C11orf52: variants seen among roughly 807,000 people sequenced by gnomAD.
The protein encoded by C11orf52 is chromosome 11 open reading frame 52.
A neutral mutation model predicts 11.7 loss-of-function variants in C11orf52; 9 were observed. The ratio of observed to expected loss-of-function variants is 0.77; its 90% CI spans 0.46 to 1.34. The LOEUF (loss-of-function observed/expected upper bound fraction) is 1.34, where lower values mean the gene tolerates loss of function less well. Ranked by LOEUF, C11orf52 falls within the 40% of genes most tolerant of loss-of-function variation. The probability of loss-of-function intolerance (pLI) is 0.00; values close to 1 mark genes in which losing one functional copy is unlikely to be tolerated. For synonymous variants in C11orf52, 49 were observed against 57.4 expected, an observed-to-expected ratio of 0.85 and a Z score of 0.66; for missense variants, 139 against 154.8, an observed-to-expected ratio of 0.90 and a Z score of 0.54.
At chr11:111,920,804 G>T (rs1965684715) in intron 1 of C11orf52, among the ~76,000 whole-genome samples, 2 of 152,110 alleles carry the variant, frequency 1.3e-5, no homozygotes, top group Non-Finnish European at 2.9e-5. Context: ...GTAGGAAAAA[G>T]AAGAATATCC....
intron 1 of C11orf52, 115 bp from the exon 2 acceptor site, chr11:111,924,211 G>C: frequency 1.0e-6 from 1 of 965,762 alleles, no homozygotes; most frequent in Non-Finnish European, 1.6e-6. Context: ...ATCTTTGTTA[G>C]AGGGAGGTAG....
intron 1 of C11orf52, among the ~76,000 whole-genome samples, chr11:111,920,020 C>A (rs1237680932): frequency 6.6e-6 from 1 of 151,692 alleles, no homozygotes; most frequent in Non-Finnish European, 1.5e-5. Context: ...ACGGTGAAAC[C>A]CCATCTCTAC....
chr11:111,925,810 T>G, intron 3 of C11orf52, 96 bp downstream of exon 3: 2 of 1,566,730 alleles, frequency 1.3e-6, no homozygotes, highest in Non-Finnish European at 8.7e-7. Flanking sequence ...TTCAGTCACC[T>G]GTAGAATTTG....
chr11:111,924,422 C>T (rs1965752873), intron 2 of C11orf52, 59 bp downstream of exon 2: 4 of 1,460,148 alleles, frequency 2.7e-6, no homozygotes, highest in Non-Finnish European at 9.6e-7. Flanking sequence ...GACAATAGAA[C>T]TCCAATCTTT....
intron 1 of C11orf52, among the ~76,000 whole-genome samples, chr11:111,919,858 G>A (rs1965660869): frequency 6.6e-6 from 1 of 152,146 alleles, no homozygotes; most frequent in Admixed American, 6.5e-5. Flanking sequence ...GCATAATATT[G>A]CCTCTTAGAT....
intron 1 of C11orf52, among the ~76,000 whole-genome samples, chr11:111,923,075 T>TAATA (rs1445767183): frequency 2.6e-5 from 4 of 152,236 alleles, no homozygotes; most frequent in Admixed American, 6.5e-5. Flanking sequence ...ATTTTAGGAC[T>TAATA]AATATTTTCT....
At chr11:111,924,241 TAAG>T in intron 1 of C11orf52, 82 bp from the exon 2 acceptor site, 1 of 1,329,620 alleles carries the variant, frequency 7.5e-7, no homozygotes, top group South Asian at 1.3e-5. Flanking sequence ...ATCAGAATGT[TAAG>T]GAGACCACAG....
At chr11:111,924,284 C>T in intron 1 of C11orf52, 42 bp from the exon 2 acceptor site, 1 of 1,600,274 alleles carries the variant, frequency 6.2e-7, no homozygotes, top group East Asian at 2.2e-5. Flanking sequence ...AAGGCAGAGG[C>T]CAGGGCTCTT....
chr11:111,920,144 G>A (rs1421933136), intron 1 of C11orf52, among the ~76,000 whole-genome samples: 5 of 151,994 alleles, frequency 3.3e-5, no homozygotes, highest in Admixed American at 1.3e-4. Flanking sequence ...GCAGTGAGCC[G>A]AGATTGCACC....
At chr11:111,924,261 T>C in intron 1 of C11orf52, 65 bp from the exon 2 acceptor site, 2 of 1,492,164 alleles carry the variant, frequency 1.3e-6, no homozygotes, top group Middle Eastern at 2.3e-4. Context: ...ACAGAGCAAA[T>C]GATGATGGAG....
Position 111,919,483 on chromosome 11 carries a change from AC to A in C11orf52, c.32+480del, listed in dbSNP as rs1414856482. On this transcript the variant is annotated intron_variant, in intron 1 of 3. Coordinates refer to ENST00000278601, the MANE Select transcript of C11orf52 (RefSeq NM_080659.3). ...CGAGACTGTCTCAACAACAACAACA[AC>A]AAAAAAAAACAGAGCCAAGCTAGCT... Among the ~76,000 whole-genome samples, 3 of 143,406 alleles carry A rather than the reference AC, an allele frequency of 2.1e-5. No homozygotes were observed. In the South Asian group the frequency reaches 6.7e-4, roughly 32 times the overall value. The allele number at this position is 143,406 out of a possible 152,430, so 94.1% of individuals were successfully genotyped here.
chr11:111,924,196 G>A (rs1965748075), intron 1 of C11orf52, 130 bp from the exon 2 acceptor site: 1 of 843,428 alleles, frequency 1.2e-6, no homozygotes, highest in Non-Finnish European at 1.9e-6. Flanking sequence ...CCTGGCTCAG[G>A]GTGAATCTTT....
At chr11:111,925,395 T>C (rs1555166837) in intron 2 of C11orf52, among the ~76,000 whole-genome samples, 1 of 130,914 alleles carries the variant, frequency 7.6e-6, no homozygotes, top group African/African-American at 3.6e-5. Flanking sequence ...TGGCACACAA[T>C]GGGTTCTCTT....
intron 3 of C11orf52, 94 bp downstream of exon 3, chr11:111,925,808 C>T (rs1450587388): frequency 1.8e-5 from 28 of 1,567,128 alleles, no homozygotes; most frequent in Non-Finnish European, 2.2e-5. Context: ...ATTTCAGTCA[C>T]CTGTAGAATT....
Position 111,924,373 on chromosome 11 carries a change from G to C in C11orf52, c.70+10G>C. 6.2e-7 allele frequency: 1 copy of C among 1,612,142 alleles called. No homozygotes were observed. The highest frequency in any genetic ancestry group is 1.7e-5 in the Admixed American group (1 of 60,002). ...AAGAAAAAGAAAACAGGTAACTTTGGGGCTGGGGGAGGGAATCTGGGGGAG... is the reference window on the plus strand; with the variant it reads ...AAGAAAAAGAAAACAGGTAACTTTGCGGCTGGGGGAGGGAATCTGGGGGAG... On this transcript the variant is annotated intron_variant, in intron 2 of 3. Coordinates refer to ENST00000278601, the MANE Select transcript of C11orf52 (RefSeq NM_080659.3).
chr11:111,925,135 A>T lies in C11orf52; in HGVS notation c.71-518A>T, dbSNP rs141387408. 2.2e-4 allele frequency among the ~76,000 whole-genome samples: 33 copies of T among 152,232 alleles called. No homozygotes were observed. The Middle Eastern group carries it at 0.014, about 63-fold the overall frequency. On this transcript the variant is annotated intron_variant, in intron 2 of 3. Coordinates refer to ENST00000278601, the MANE Select transcript of C11orf52 (RefSeq NM_080659.3). ...AGACTCTGTCTCTAAATAAATAAATAAAAGCAAAGTTCACAAGTCAGCAGA... is the reference window on the plus strand; with the variant it reads ...AGACTCTGTCTCTAAATAAATAAATTAAAGCAAAGTTCACAAGTCAGCAGA...
chr11:111,923,496 T>G (rs1356703655), intron 1 of C11orf52, among the ~76,000 whole-genome samples: 1 of 151,996 alleles, frequency 6.6e-6, no homozygotes, highest in Non-Finnish European at 1.5e-5. Flanking sequence ...CTGGCAAGAG[T>G]TGGAAATGTA....
intron 1 of C11orf52, among the ~76,000 whole-genome samples, chr11:111,920,538 G>GA (rs782071149): frequency 1.1e-3 from 154 of 143,944 alleles, no homozygotes; most frequent in Non-Finnish European, 1.5e-3. Context: ...ACTATGTCTT[G>GA]AAAAAAAAAA....
chr11:111,922,922 G>T (rs1348556851), intron 1 of C11orf52, among the ~76,000 whole-genome samples: 1 of 152,096 alleles, frequency 6.6e-6, no homozygotes, highest in Non-Finnish European at 1.5e-5. Context: ...TGCCCACTTA[G>T]TTTCCTTAAA....
Sources: allele counts gnomAD v4.1 joint callset (sites outside exome capture counted in the v4.1 genomes callset), GRCh38; gene constraint gnomAD v4.1.1; transcripts MANE v1.5; gene names NCBI Gene and HGNC (gene_info 2026-07-23, HGNC 2026-07-21).